CAST: variants seen among roughly 807,000 people sequenced by gnomAD.
CAST encodes MIR583 host.
CAST carries 76 observed loss-of-function variants against 119.6 expected under a neutral mutation model. That is an observed-to-expected ratio of 0.64 (90% CI 0.53 to 0.77). The LOEUF (loss-of-function observed/expected upper bound fraction) is 0.77. Ranked by LOEUF, CAST falls within the 30% of genes least tolerant of loss-of-function variation. The pLI is 0.00. For missense variants in CAST, 953 were observed against 946.5 expected (o/e 1.01, Z -0.09); for synonymous variants, 319 against 331.6 (o/e 0.96, Z 0.41).
chr5:96,416,393 A>G, the CAST span, among the ~76,000 whole-genome samples: 2 of 152,266 alleles, frequency 1.3e-5, no homozygotes, highest in South Asian at 2.1e-4. Flanking sequence ...GCTTGGTCAC[A>G]TGACAAATTA....
chr5:96,265,197 T>C, the CAST span, among the ~76,000 whole-genome samples: 2 of 152,156 alleles, frequency 1.3e-5, no homozygotes, highest in African/African-American at 4.8e-5. Context: ...TTTTAGATTT[T>C]AGGCACTCTG....
At chr5:96,494,835 T>G in the CAST span, among the ~76,000 whole-genome samples, 1 of 152,148 alleles carries the variant, frequency 6.6e-6, no homozygotes, top group Admixed American at 6.5e-5. Flanking sequence ...AAAAGTGCGT[T>G]GGCCGGGCGC....
rs1251239822 is a variant in CAST, at chr5:96,730,691, A to C, written c.550-89A>C. 18 of 931,900 alleles carry C rather than the reference A, an allele frequency of 1.9e-5. No homozygotes were observed. The African/African-American group carries it at 2.9e-4, about 15-fold the overall frequency. 57.7% of individuals were successfully genotyped at this position (931,900 alleles called of 1,614,324 possible). On this transcript the variant is annotated intron_variant, in intron 8 of 31. Coordinates refer to ENST00000675179, the MANE Select transcript of CAST (RefSeq NM_001750.7). The stretch of plus-strand genomic sequence containing the variant: ...ATGGTGTCCGTGAGGGTGAACTGGC[A>C]GATGTTAGTGACATTTGAAACTCAT...
the CAST span, among the ~76,000 whole-genome samples, chr5:96,426,964 T>C: frequency 6.6e-6 from 1 of 152,236 alleles, no homozygotes; most frequent in Non-Finnish European, 1.5e-5. Flanking sequence ...TTTAAAGTGC[T>C]TGTATTTTCA....
intron 15 of CAST, 65 bp downstream of exon 15, chr5:96,741,645 T>C (rs1005157091): frequency 7.2e-5 from 75 of 1,047,256 alleles, no homozygotes; most frequent in Non-Finnish European, 1.1e-4. Flanking sequence ...TTCAGGAAAC[T>C]GCCAGTAGCA....
the CAST span, among the ~76,000 whole-genome samples, chr5:96,415,522 G>A: frequency 6.6e-6 from 1 of 152,164 alleles, no homozygotes; most frequent in Non-Finnish European, 1.5e-5. Flanking sequence ...AACTTACCAT[G>A]TGTTTCCCCA....
At chr5:96,047,680 C>A in the CAST span, among the ~76,000 whole-genome samples, 1 of 152,120 alleles carries the variant, frequency 6.6e-6, no homozygotes, top group Non-Finnish European at 1.5e-5. Context: ...AAACACTGTG[C>A]TAAGTACCTG....
chr5:96,023,701 A>G, the CAST span, among the ~76,000 whole-genome samples: 1 of 152,122 alleles, frequency 6.6e-6, no homozygotes, highest in African/African-American at 2.4e-5. Flanking sequence ...AATCCAGAAT[A>G]TGGGTCATGG....
At chr5:96,083,495 C>T in the CAST span, among the ~76,000 whole-genome samples, 1 of 152,158 alleles carries the variant, frequency 6.6e-6, no homozygotes, top group East Asian at 1.9e-4. Flanking sequence ...GAAGTGGTGA[C>T]ACACTGGGCT....
At chr5:96,601,277 T>C (rs1382337878) in intron 1 of CAST, among the ~76,000 whole-genome samples, 3 of 152,230 alleles carry the variant, frequency 2.0e-5, no homozygotes, top group East Asian at 1.9e-4. Flanking sequence ...TCCTACTTTC[T>C]TTATTGAATG....
the CAST span, chr5:96,425,709 C>G: frequency 1.4e-6 from 1 of 693,578 alleles, no homozygotes; most frequent in Admixed American, 2.1e-5. Flanking sequence ...AATATAGCTC[C>G]CTATGAAATT....
chr5:96,432,185 T>C, the CAST span: 3 of 1,496,450 alleles, frequency 2.0e-6, no homozygotes, highest in Non-Finnish European at 2.7e-6. Context: ...GCTTGGACTT[T>C]ATAAGTTCCC....
chr5:96,770,659 T>G, intron 30 of CAST, 57 bp downstream of exon 30: 8 of 1,170,032 alleles, frequency 6.8e-6, no homozygotes, highest in Non-Finnish European at 9.0e-6. Flanking sequence ...AGAGTAGGGT[T>G]TATCATTTCA....
chr5:96,713,452 A>G lies in CAST; in HGVS notation c.211-9187A>G, dbSNP rs77186422. On this transcript the variant is annotated intron_variant, in intron 3 of 31. Transcript: ENST00000675179. ...GGCCAGAATTTCTCATTCTTATACC[A>G]TAATCATATCATCAATAACCATATA... Among the ~76,000 whole-genome samples the G allele has an allele frequency of 3.6e-3, 555 of 152,182 alleles. 4 individuals carry two copies. Among genetic ancestry groups the G allele is most frequent in the Non-Finnish European group, 5.8e-3 (394 of 67,992 alleles).
At chr5:96,082,359 C>G in the CAST span, among the ~76,000 whole-genome samples, 2 of 152,118 alleles carry the variant, frequency 1.3e-5, no homozygotes, top group Admixed American at 6.5e-5. Context: ...GCCCTATGGA[C>G]TAGGCATAAT....
At chr5:96,669,990 G>A (rs1749857261) in intron 1 of CAST, among the ~76,000 whole-genome samples, 1 of 152,214 alleles carries the variant, frequency 6.6e-6, no homozygotes, top group Non-Finnish European at 1.5e-5. Context: ...CCAGGTGCTT[G>A]TGACAGGCAC....
At chr5:95,962,196 C>T in the CAST span, 3 of 252,044 alleles carry the variant, frequency 1.2e-5, no homozygotes, top group Non-Finnish European at 1.5e-5. Flanking sequence ...GTTGGAGCCC[C>T]GCCCCTGTGG....
At chr5:96,684,399 G>A (rs1354327647) in intron 2 of CAST, among the ~76,000 whole-genome samples, 1 of 151,998 alleles carries the variant, frequency 6.6e-6, no homozygotes, top group Non-Finnish European at 1.5e-5. Flanking sequence ...GATGGGGCAG[G>A]GCTCAAATTC....
the CAST span, among the ~76,000 whole-genome samples, chr5:95,993,809 T>C: frequency 6.6e-6 from 1 of 151,994 alleles, no homozygotes; most frequent in South Asian, 2.1e-4. Flanking sequence ...GGGCAGAGGA[T>C]TTGAACAGAC....
Sources: gnomAD v4.1 joint callset for allele counts (sites outside exome capture counted in the v4.1 genomes callset) on GRCh38, gnomAD v4.1.1 for gene constraint, MANE v1.5 for transcripts, NCBI Gene and HGNC (gene_info 2026-07-23, HGNC 2026-07-21) for gene names.